Variants in LRCH3 observed in about 807,000 individuals in gnomAD.
The protein encoded by LRCH3 is DISP complex protein LRCH3.
A neutral mutation model predicts 104.5 loss-of-function variants in LRCH3; 68 were observed. That is an observed-to-expected ratio of 0.65 (90% CI 0.54 to 0.80). The LOEUF (loss-of-function observed/expected upper bound fraction) is 0.80. LRCH3 is among the 30% of genes least tolerant of loss of function. The pLI is 0.00. For synonymous variants in LRCH3, 344 were observed against 361.3 expected, an observed-to-expected ratio of 0.95 and a Z score of 0.54; for missense variants, 951 against 953.9, an observed-to-expected ratio of 1.00 and a Z score of 0.04.
intron 9 of LRCH3, among the ~76,000 whole-genome samples, chr3:197,838,768 C>T (rs907255452): frequency 9.9e-5 from 15 of 152,110 alleles, no homozygotes; most frequent in African/African-American, 3.1e-4. Context: ...CTTTTAAATA[C>T]GGTATTTTAC....
chr3:197,840,263 C>T (rs1053999218), intron 10 of LRCH3, among the ~76,000 whole-genome samples: 11 of 152,092 alleles, frequency 7.2e-5, no homozygotes, highest in Non-Finnish European at 1.5e-4. Flanking sequence ...CGTGGTGAAA[C>T]GCCGTCTCTA....
At chr3:197,864,710 T>TTC (rs1491130778) in intron 15 of LRCH3, among the ~76,000 whole-genome samples, 2 of 84,222 alleles carry the variant, frequency 2.4e-5, no homozygotes, top group African/African-American at 4.6e-5. Flanking sequence ...CTTCTTCTTC[T>TTC]TTTTTTTTTT....
chr3:197,842,048 C>T lies in LRCH3; in HGVS notation c.1328+2651C>T, dbSNP rs532685122. Among the ~76,000 whole-genome samples the T allele has an allele frequency of 2.4e-4, 37 of 152,116 alleles. No homozygotes were observed. In the South Asian group the frequency reaches 6.4e-3, roughly 26 times the overall value. Reference sequence around the variant, plus strand: ...AGAAATCTCCCTATGTTGCCCAGGCCGGTCTCAGACTCCCAGATTGAAGTA... The same window carrying T: ...AGAAATCTCCCTATGTTGCCCAGGCTGGTCTCAGACTCCCAGATTGAAGTA... On this transcript the variant is annotated intron_variant, in intron 10 of 20. Transcript: ENST00000425562.
chr3:197,797,877 A>AAAC (rs1370738719), intron 1 of LRCH3, among the ~76,000 whole-genome samples: 11 of 138,084 alleles, frequency 8.0e-5, no homozygotes, highest in African/African-American at 3.2e-4. Context: ...AAAAAAACAA[A>AAAC]AAAAACAAAA....
At position 197,864,031 on chromosome 3, in the gene LRCH3, C is replaced by T. The variant is rs567055647; in HGVS notation, c.1717-1392C>T. ...TTTATATAAACACAACTAGGCCGGGCGTGGTGGCTCATGCCTATAATCCCA... is the reference window on the plus strand; with the variant it reads ...TTTATATAAACACAACTAGGCCGGGTGTGGTGGCTCATGCCTATAATCCCA... On this transcript the variant is annotated intron_variant, in intron 15 of 20. Coordinates refer to ENST00000425562, the MANE Select transcript of LRCH3 (RefSeq NM_001365715.1). 1.6e-4 allele frequency among the ~76,000 whole-genome samples: 24 copies of T among 152,246 alleles called. No homozygotes were observed. In the East Asian group the frequency reaches 4.2e-3, roughly 27 times the overall value.
rs1208406387 is a variant in LRCH3, at chr3:197,804,886, CT to C, written c.263-10011del. On this transcript the variant is annotated intron_variant, in intron 1 of 20. Transcript: ENST00000425562. ...CTATCTGTACCTCGATTATCCACTC[CT>C]TTTTTTTTTTCTTTTTTATTTTTTT... is the stretch of plus-strand genomic sequence containing the variant. Among the ~76,000 whole-genome samples, 85 of 146,528 alleles carry C rather than the reference CT, an allele frequency of 5.8e-4. 1 individual carries two copies. The highest frequency in any genetic ancestry group is 3.5e-3 in the Middle Eastern group (1 of 284).
intron 10 of LRCH3, among the ~76,000 whole-genome samples, chr3:197,846,109 A>C (rs553980850): frequency 3.5e-4 from 53 of 151,940 alleles, no homozygotes; most frequent in Non-Finnish European, 7.1e-4. Flanking sequence ...GTTACTCTAA[A>C]TGTGTAATCA....
Position 197,866,042 on chromosome 3 carries a change from T to G in LRCH3, c.1766-70T>G, listed in dbSNP as rs1741443736. Reference sequence around the variant, plus strand: ...CATGTTTATTTTTTACTTGTTACTTTTGTAACTTGTATGTCTGCTATTATA... The same window carrying G: ...CATGTTTATTTTTTACTTGTTACTTGTGTAACTTGTATGTCTGCTATTATA... On this transcript the variant is annotated intron_variant, in intron 16 of 20. Coordinates refer to ENST00000425562, the MANE Select transcript of LRCH3 (RefSeq NM_001365715.1). The G allele has an allele frequency of 3.6e-6, 4 of 1,101,940 alleles. No homozygotes were observed. The South Asian group carries it at 5.2e-5, about 14-fold the overall frequency. The allele number at this position is 1,101,940 out of a possible 1,614,324, so 68.3% of individuals were successfully genotyped here.
intron 15 of LRCH3, 77 bp downstream of exon 15, chr3:197,858,982 G>T: frequency 9.9e-7 from 1 of 1,014,836 alleles, no homozygotes; most frequent in South Asian, 1.3e-5. Flanking sequence ...TTGGTGAATT[G>T]ATCTAACAAT....
At position 197,886,713 on chromosome 3, in the gene LRCH3, A is replaced by C. The variant is rs1290556405; in HGVS notation, c.*3047A>C. The C allele has an allele frequency of 6.6e-6, 1 of 151,630 alleles. No homozygotes were observed. Among genetic ancestry groups the C allele is most frequent in the Non-Finnish European group, 1.5e-5 (1 of 67,970 alleles). The allele number at this position is 151,630 out of a possible 1,614,324, so 9.4% of individuals were successfully genotyped here. A position where few individuals can be genotyped will look rare whatever the true frequency, so the allele number is the denominator to read the frequency against. On this transcript the variant is annotated 3_prime_UTR_variant, in exon 21 of 21. Coordinates refer to ENST00000425562, the MANE Select transcript of LRCH3 (RefSeq NM_001365715.1). ...CCAGCTACTTGGGTGGCTGAGGCACAAGAATCGCTTCAACCTGGAAGCCGA... is the reference window on the plus strand; with the variant it reads ...CCAGCTACTTGGGTGGCTGAGGCACCAGAATCGCTTCAACCTGGAAGCCGA...
At chr3:197,840,074 A>T (rs899802082) in intron 10 of LRCH3, among the ~76,000 whole-genome samples, 10 of 152,126 alleles carry the variant, frequency 6.6e-5, no homozygotes, top group African/African-American at 2.4e-4. Flanking sequence ...AGTCAGAGAC[A>T]GTGATATGTA....
intron 16 of LRCH3, among the ~76,000 whole-genome samples, chr3:197,865,873 A>G (rs1580863551): frequency 6.6e-6 from 1 of 152,156 alleles, no homozygotes; most frequent in Non-Finnish European, 1.5e-5. Context: ...AGACTGTTCA[A>G]TATGATAACA....
chr3:197,817,311 A>G lies in LRCH3; in HGVS notation c.534+9A>G, dbSNP rs1451406972. The G allele has an allele frequency of 1.5e-6, 2 of 1,300,076 alleles. No homozygotes were observed. Among genetic ancestry groups the G allele is most frequent in the Non-Finnish European group, 1.0e-6 (1 of 977,352 alleles). 80.5% of individuals were successfully genotyped at this position (1,300,076 alleles called of 1,614,324 possible). A position where few individuals can be genotyped will look rare whatever the true frequency, so the allele number is the denominator to read the frequency against. On this transcript the variant is annotated intron_variant, in intron 3 of 20. Transcript: ENST00000425562. Reference sequence around the variant, plus strand: ...GACATTTGATGGAACTTGTAAGTTAATATTTTTGATTGTCCAACATGTGTG... The same window carrying G: ...GACATTTGATGGAACTTGTAAGTTAGTATTTTTGATTGTCCAACATGTGTG...
intron 10 of LRCH3, among the ~76,000 whole-genome samples, chr3:197,843,717 G>C (rs1580767489): frequency 6.6e-6 from 1 of 152,196 alleles, no homozygotes; most frequent in East Asian, 1.9e-4. Flanking sequence ...AGAGATAAAA[G>C]TCTGGTTTAC....
intron 19 of LRCH3, chr3:197,871,691 T>G (rs1439618762): frequency 2.4e-6 from 1 of 416,194 alleles, no homozygotes; most frequent in African/African-American, 2.0e-5. Flanking sequence ...TATAGGGATA[T>G]AAAAAGGGGC....
At chr3:197,824,169 A>G (rs1273560) in intron 4 of LRCH3, among the ~76,000 whole-genome samples, 25,860 of 151,650 alleles carry the variant, frequency 0.17, 2,824 homozygotes, top group Middle Eastern at 0.25. Flanking sequence ...GGTTCAAGCA[A>G]TTCTCCTGCC....
chr3:197,793,003 G>A (rs549112514), intron 1 of LRCH3, among the ~76,000 whole-genome samples: 16 of 152,102 alleles, frequency 1.1e-4, no homozygotes, highest in Admixed American at 3.3e-4. Flanking sequence ...TGCCCAGGCT[G>A]GTCTCCAACT....
intron 20 of LRCH3, among the ~76,000 whole-genome samples, chr3:197,878,606 C>CA (rs1036943983): frequency 6.6e-5 from 10 of 152,280 alleles, no homozygotes; most frequent in African/African-American, 2.4e-4. Flanking sequence ...ACCTCCCACC[C>CA]ACGTCCCCAC....
At chr3:197,832,119 C>G in intron 7 of LRCH3, 78 bp from the exon 8 acceptor site, 1 of 1,464,578 alleles carries the variant, frequency 6.8e-7, no homozygotes, top group Non-Finnish European at 9.2e-7. Context: ...GCTTTGGTCT[C>G]CCAAAGCGCA....
Sources: gnomAD v4.1 joint callset for allele counts (sites outside exome capture counted in the v4.1 genomes callset) on GRCh38, gnomAD v4.1.1 for gene constraint, MANE v1.5 for transcripts, NCBI Gene and HGNC (gene_info 2026-07-23, HGNC 2026-07-21) for gene names.